PTPRR: variants seen among roughly 807,000 people sequenced by gnomAD.
PTPRR encodes the protein receptor-type tyrosine-protein phosphatase R.
A neutral mutation model predicts 77.2 loss-of-function variants in PTPRR; 38 were observed. The ratio of observed to expected loss-of-function variants is 0.49; its 90% CI spans 0.38 to 0.65. The LOEUF (loss-of-function observed/expected upper bound fraction) is 0.65, where lower values mean the gene tolerates loss of function less well. Among genes scored for constraint, PTPRR ranks in the 30% least tolerant of loss-of-function variants. The pLI is 0.00. For missense variants in PTPRR, 744 were observed against 799.2 expected, an observed-to-expected ratio of 0.93 and a Z score of 0.83; for synonymous variants, 299 against 283.1, an observed-to-expected ratio of 1.06 and a Z score of -0.57.
chr12:70,908,777 T>G (rs1435180175), intron 1 of PTPRR, among the ~76,000 whole-genome samples: 1 of 152,220 alleles, frequency 6.6e-6, no homozygotes, highest in East Asian at 1.9e-4. Context: ...CTTTCAACAC[T>G]GCTATTCCAT....
At chr12:70,656,552 T>G (rs1886588630) in intron 13 of PTPRR, 152 bp downstream of exon 13, 7 of 529,868 alleles carry the variant, frequency 1.3e-5, no homozygotes, top group Non-Finnish European at 2.3e-5. Flanking sequence ...AAAAAGGCTT[T>G]TTAATATAAT....
intron 2 of PTPRR, among the ~76,000 whole-genome samples, chr12:70,779,260 T>C (rs1365512049): frequency 1.3e-5 from 2 of 152,194 alleles, no homozygotes; most frequent in Admixed American, 6.5e-5. Context: ...AATTCCATCA[T>C]GTGGGCTCTC....
intron 2 of PTPRR, among the ~76,000 whole-genome samples, chr12:70,807,371 C>T (rs947327590): frequency 6.6e-6 from 1 of 152,088 alleles, no homozygotes; most frequent in African/African-American, 2.4e-5. Flanking sequence ...TACTTGCCCA[C>T]CTTTTAAAAA....
rs79589000 is a variant in PTPRR at position 70,904,477 on chromosome 12, T to C, written c.59-11500A>G. On this transcript the variant is annotated intron_variant, in intron 1 of 13. Coordinates refer to ENST00000283228, the MANE Select transcript of PTPRR (RefSeq NM_002849.4). ...AAAGTCACTGTATTTTTCCATTACA[T>C]GACATTCTCAAAAGACAAAAAAATA... 1.2e-3 allele frequency among the ~76,000 whole-genome samples: 184 copies of C among 151,978 alleles called. 1 individual carries two copies. The highest frequency in any genetic ancestry group is 4.3e-3 in the African/African-American group (178 of 41,522).
chr12:70,884,473 G>A (rs1027849983), intron 2 of PTPRR, among the ~76,000 whole-genome samples: 9 of 152,174 alleles, frequency 5.9e-5, no homozygotes, highest in Non-Finnish European at 1.2e-4. Context: ...CAATTTTAGA[G>A]AGAACTGAAA....
intron 6 of PTPRR, among the ~76,000 whole-genome samples, chr12:70,708,325 T>C (rs1432070511): frequency 6.6e-6 from 1 of 152,086 alleles, no homozygotes; most frequent in Non-Finnish European, 1.5e-5. Flanking sequence ...TTGACGGTTT[T>C]TCCAGTCCTC....
chr12:70,746,755 G>T (rs1890226404), intron 5 of PTPRR, among the ~76,000 whole-genome samples: 1 of 151,826 alleles, frequency 6.6e-6, no homozygotes, highest in African/African-American at 2.4e-5. Context: ...GCAGTGCTGT[G>T]ATCATAGCTC....
At chr12:70,656,922 G>T in intron 12 of PTPRR, 105 bp from the exon 13 acceptor site, 1 of 565,044 alleles carries the variant, frequency 1.8e-6, no homozygotes, top group Non-Finnish European at 3.1e-6. Flanking sequence ...GTTAAAAGTA[G>T]TATTCACATA....
rs139220030 is a variant in PTPRR at position 70,832,153 on chromosome 12, T to C, written c.357+60526A>G. Among the ~76,000 whole-genome samples, 262 of 152,348 alleles carry C rather than the reference T, an allele frequency of 1.7e-3. 2 individuals carry two copies. Among genetic ancestry groups the C allele is most frequent in the African/African-American group, 6.1e-3 (253 of 41,586 alleles). The stretch of plus-strand genomic sequence containing the variant: ...TCCTGTCGCTCCATATGCTGGACGC[T>C]CTGTGATGCATTAACAAATGATTTT... On this transcript the variant is annotated intron_variant, in intron 2 of 13. Coordinates refer to ENST00000283228, the MANE Select transcript of PTPRR (RefSeq NM_002849.4).
chr12:70,657,956 G>A (rs1321399462), intron 12 of PTPRR, among the ~76,000 whole-genome samples: 5 of 151,986 alleles, frequency 3.3e-5, no homozygotes, highest in Non-Finnish European at 5.9e-5. Context: ...TGACAAATTC[G>A]CACAGCTGCT....
chr12:70,672,357 T>C (rs1887262376), intron 10 of PTPRR: 2 of 1,411,330 alleles, frequency 1.4e-6, no homozygotes, highest in Non-Finnish European at 2.0e-6. Context: ...TATGATGAGA[T>C]GGTCCTCCCA....
intron 13 of PTPRR, among the ~76,000 whole-genome samples, chr12:70,642,961 A>G (rs2136639255): frequency 6.6e-6 from 1 of 152,298 alleles, no homozygotes; most frequent in Admixed American, 6.5e-5. Flanking sequence ...ACTTGAGCCC[A>G]GGAGCTCGAG....
chr12:70,672,805 G>C, intron 10 of PTPRR: 1 of 1,565,612 alleles, frequency 6.4e-7, no homozygotes, highest in Non-Finnish European at 8.7e-7. Context: ...CAAGAAGGGA[G>C]ATGAAGTCCA....
In PTPRR at chr12:70,805,461, C is replaced by G. The variant is rs562467034; in HGVS notation, c.358-40683G>C. Among the ~76,000 whole-genome samples, 159 of 152,170 alleles carry G rather than the reference C, an allele frequency of 1.0e-3. 1 individual carries two copies. Among genetic ancestry groups the G allele is most frequent in the African/African-American group, 3.7e-3 (153 of 41,534 alleles). ...CCTGGGCTCCTGGGCTTAAGCGATC[C>G]TCCCACCTCATCCTCCCAAGTGGCT... On this transcript the variant is annotated intron_variant, in intron 2 of 13. Coordinates refer to ENST00000283228, the MANE Select transcript of PTPRR (RefSeq NM_002849.4).
chr12:70,647,202 C>A (rs1886233284), intron 13 of PTPRR, among the ~76,000 whole-genome samples: 1 of 152,070 alleles, frequency 6.6e-6, no homozygotes, highest in African/African-American at 2.4e-5. Context: ...AAAAAAAGGC[C>A]TTGGAATAAG....
At chr12:70,771,587 A>T (rs1398598) in intron 2 of PTPRR, among the ~76,000 whole-genome samples, 57,556 of 152,036 alleles carry the variant, frequency 0.38, 13,339 homozygotes, top group African/African-American at 0.65. Flanking sequence ...TATATAATAA[A>T]GCAATTTGTC....
chr12:70,855,746 A>G (rs1688281949), intron 2 of PTPRR, among the ~76,000 whole-genome samples: 1 of 152,218 alleles, frequency 6.6e-6, no homozygotes, highest in Non-Finnish European at 1.5e-5. Context: ...ACTTTAGCAT[A>G]CTATGTGAAG....
rs1479695187 is a variant in PTPRR at position 70,920,454 on chromosome 12, TAGAA to T, written c.-68_-65del. The T allele has an allele frequency of 6.6e-7, 1 of 1,505,546 alleles. No individual in the cohort carries two copies. Among genetic ancestry groups the T allele is most frequent in the East Asian group, 2.3e-5 (1 of 43,152 alleles). The allele number at this position is 1,505,546 out of a possible 1,614,324, so 93.3% of individuals were successfully genotyped here. On this transcript the variant is annotated 5_prime_UTR_variant, in exon 1 of 14. Coordinates refer to ENST00000283228, the MANE Select transcript of PTPRR (RefSeq NM_002849.4). Reference sequence around the variant, plus strand: ...GACCCCACTTCAGGTAAAGTGCTATTAGAAAGAGCCACCGCCAAGGGTCTTCTAG... The same window carrying T: ...GACCCCACTTCAGGTAAAGTGCTATTAGAGCCACCGCCAAGGGTCTTCTAG...
chr12:70,684,985 T>C (rs1311762513), intron 8 of PTPRR: 4 of 418,744 alleles, frequency 9.6e-6, no homozygotes, highest in East Asian at 4.1e-5. Flanking sequence ...ATAAAGCTCA[T>C]CCATAAGCCT....
Sources: gnomAD v4.1 joint callset for allele counts (sites outside exome capture counted in the v4.1 genomes callset) on GRCh38, gnomAD v4.1.1 for gene constraint, MANE v1.5 for transcripts, NCBI Gene and HGNC (gene_info 2026-07-23, HGNC 2026-07-21) for gene names.